The following CNTNAP2 variants were observed in gnomAD, a reference collection of about 807,000 sequenced individuals.
CNTNAP2 encodes the protein contactin associated protein 2.
Under a neutral mutation model 155.2 loss-of-function variants are expected in CNTNAP2, and 98 were observed. That is an observed-to-expected ratio of 0.63 (90% confidence interval 0.54 to 0.75). The LOEUF is 0.75. Among genes scored for constraint, CNTNAP2 ranks in the 30% least tolerant of loss-of-function variants. The pLI is 0.00. For missense variants in CNTNAP2, 1,727 were observed against 1,688.1 expected, an observed-to-expected ratio of 1.02 and a Z score of -0.40; for synonymous variants, 651 against 631.2, an observed-to-expected ratio of 1.03 and a Z score of -0.47.
intron 3 of CNTNAP2, among the ~76,000 whole-genome samples, chr7:146,877,810 A>G (rs1228979903): frequency 3.3e-5 from 5 of 151,970 alleles, no homozygotes; most frequent in African/African-American, 1.2e-4. Flanking sequence ...TAGTTTTTCT[A>G]TTATAGGAGA....
chr7:147,689,107 G>GA (rs892057307), intron 13 of CNTNAP2, among the ~76,000 whole-genome samples: 2 of 150,054 alleles, frequency 1.3e-5, no homozygotes, highest in African/African-American at 4.9e-5. Context: ...AGTATTACAG[G>GA]ATTTTTTTTT....
At chr7:148,173,358 T>TG (rs1052438668) in intron 18 of CNTNAP2, among the ~76,000 whole-genome samples, 24 of 152,218 alleles carry the variant, frequency 1.6e-4, no homozygotes, top group African/African-American at 5.3e-4. Context: ...GTATAGCATA[T>TG]GGGTAAAGTT....
intron 13 of CNTNAP2, among the ~76,000 whole-genome samples, chr7:147,715,040 C>T (rs1796462021): frequency 6.6e-6 from 1 of 151,822 alleles, no homozygotes; most frequent in Non-Finnish European, 1.5e-5. Flanking sequence ...AGTAGTATTC[C>T]CTGATATGCA....
intron 13 of CNTNAP2, among the ~76,000 whole-genome samples, chr7:147,742,252 C>T (rs530399992): frequency 1.3e-5 from 2 of 152,330 alleles, no homozygotes; most frequent in African/African-American, 4.8e-5. Context: ...ATCTTTAGAT[C>T]ATCCAAAACA....
chr7:148,386,388 C>T (rs906073972), intron 22 of CNTNAP2, among the ~76,000 whole-genome samples: 45 of 152,156 alleles, frequency 3.0e-4, no homozygotes, highest in Middle Eastern at 6.8e-3. Context: ...ATTAGCTGGG[C>T]GTGGTGGCGC....
chr7:147,793,914 C>T (rs851694), intron 13 of CNTNAP2, among the ~76,000 whole-genome samples: 34,835 of 151,604 alleles, frequency 0.23, 4,749 homozygotes, highest in African/African-American at 0.38. Context: ...ATTTTATTAT[C>T]TTTGATGCTG....
intron 2 of CNTNAP2, among the ~76,000 whole-genome samples, chr7:146,798,378 G>GT (rs1238289513): frequency 1.3e-5 from 2 of 152,066 alleles, no homozygotes; most frequent in African/African-American, 4.8e-5. Context: ...GTCTGGCTCT[G>GT]TTGCCCAAGC....
intron 3 of CNTNAP2, among the ~76,000 whole-genome samples, chr7:146,954,750 C>A (rs1353557770): frequency 6.6e-6 from 1 of 151,850 alleles, no homozygotes; most frequent in African/African-American, 2.4e-5. Flanking sequence ...TACTCTCTTA[C>A]ACTTTCTTTC....
chr7:147,118,694 G>T (rs1161400008), intron 5 of CNTNAP2, among the ~76,000 whole-genome samples: 1 of 151,982 alleles, frequency 6.6e-6, no homozygotes, highest in Non-Finnish European at 1.5e-5. Flanking sequence ...GCATGTTACT[G>T]TACTGAATAC....
chr7:146,127,319 G>A lies in CNTNAP2; in HGVS notation c.97+10346G>A, dbSNP rs1399054107. 2.6e-5 allele frequency among the ~76,000 whole-genome samples: 4 copies of A among 152,082 alleles called. No homozygotes were observed. In the East Asian group the frequency reaches 7.7e-4, roughly 29 times the overall value. On this transcript the variant is annotated intron_variant, in intron 1 of 23. Coordinates refer to ENST00000361727, the MANE Select transcript of CNTNAP2 (RefSeq NM_014141.6). ...CCTGTGGCAATTTGCTCTAATCACAGGTGAAATACTAAGACGCAGCAGGCA... is the reference window on the plus strand; with the variant it reads ...CCTGTGGCAATTTGCTCTAATCACAAGTGAAATACTAAGACGCAGCAGGCA...
intron 1 of CNTNAP2, among the ~76,000 whole-genome samples, chr7:146,153,112 T>C (rs1222626995): frequency 6.6e-6 from 1 of 152,186 alleles, no homozygotes; most frequent in Non-Finnish European, 1.5e-5. Flanking sequence ...TCACAAATTA[T>C]GGAAATGTTT....
intron 1 of CNTNAP2, among the ~76,000 whole-genome samples, chr7:146,673,381 A>C (rs1047608369): frequency 6.6e-6 from 1 of 152,250 alleles, no homozygotes; most frequent in Non-Finnish European, 1.5e-5. Flanking sequence ...AACTATTTAC[A>C]TTCTATATAT....
intron 13 of CNTNAP2, among the ~76,000 whole-genome samples, chr7:147,663,753 T>C (rs73741212): frequency 0.05 from 7,608 of 152,314 alleles, 626 homozygotes; most frequent in African/African-American, 0.17. Context: ...ATTTAAGGTA[T>C]AGAACATGAT....
chr7:146,451,170 T>C (rs1356788527), intron 1 of CNTNAP2, among the ~76,000 whole-genome samples: 2 of 152,090 alleles, frequency 1.3e-5, no homozygotes, highest in Admixed American at 1.3e-4. Flanking sequence ...ACGGTCTGGA[T>C]CCCCTGACCT....
At chr7:146,873,794 A>G (rs1795365743) in intron 3 of CNTNAP2, among the ~76,000 whole-genome samples, 1 of 152,186 alleles carries the variant, frequency 6.6e-6, no homozygotes, top group South Asian at 2.1e-4. Flanking sequence ...CTACATTCAG[A>G]GAGCCTGGGT....
chr7:146,223,608 G>T lies in CNTNAP2; in HGVS notation c.97+106635G>T, dbSNP rs563583118. On this transcript the variant is annotated intron_variant, in intron 1 of 23. Coordinates refer to ENST00000361727, the MANE Select transcript of CNTNAP2 (RefSeq NM_014141.6). ...CTGGAATGCATAAGATACAGCTCTG[G>T]CAATCTTGACTCTAGACAAACATGG... Among the ~76,000 whole-genome samples the T allele has an allele frequency of 6.6e-5, 10 of 152,280 alleles. No homozygotes were observed. The South Asian group carries it at 1.9e-3, about 28-fold the overall frequency.
chr7:148,284,083 G>A lies in CNTNAP2; in HGVS notation c.3475+16957G>A, dbSNP rs144044215. 4.9e-3 allele frequency among the ~76,000 whole-genome samples: 743 copies of A among 152,296 alleles called. 4 individuals are homozygous for A. The highest frequency in any genetic ancestry group is 0.017 in the African/African-American group (707 of 41,548). On this transcript the variant is annotated intron_variant, in intron 21 of 23. Coordinates refer to ENST00000361727, the MANE Select transcript of CNTNAP2 (RefSeq NM_014141.6). ...TTTTTAACCTGCATCACATGAATAT[G>A]ATGATACATTATGTTTTTATATTAT... is the stretch of plus-strand genomic sequence containing the variant.
At chr7:146,220,288 TA>T (rs11364418) in intron 1 of CNTNAP2, among the ~76,000 whole-genome samples, 126,485 of 151,334 alleles carry the variant, frequency 0.84, 52,900 homozygotes, top group East Asian at 0.99. Context: ...GAATGCATGC[TA>T]AAAAAAAAAA....
intron 1 of CNTNAP2, among the ~76,000 whole-genome samples, chr7:146,482,776 T>C (rs1796983200): frequency 6.6e-6 from 1 of 151,808 alleles, no homozygotes; most frequent in African/African-American, 2.4e-5. Context: ...ACATGAAATA[T>C]TTTCTCAACA....
Sources: allele counts gnomAD v4.1 joint callset (sites outside exome capture counted in the v4.1 genomes callset), GRCh38; gene constraint gnomAD v4.1.1; transcripts MANE v1.5; gene names NCBI Gene and HGNC (gene_info 2026-07-23, HGNC 2026-07-21).